USP22: variants seen among roughly 807,000 people sequenced by gnomAD.
USP22 encodes the protein ubiquitin carboxyl-terminal hydrolase 22.
Under a neutral mutation model 68.1 loss-of-function variants are expected in USP22, and 22 were observed. The ratio of observed to expected loss-of-function variants is 0.32; its 90% CI spans 0.23 to 0.46. The LOEUF (loss-of-function observed/expected upper bound fraction) is 0.46. USP22 is among the 20% of genes least tolerant of loss of function. The pLI, the probability that USP22 is intolerant of heterozygous loss-of-function variation, is 1.00. For synonymous variants in USP22, 279 were observed against 274.2 expected (o/e 1.02, Z -0.17); for missense variants, 433 against 695.8 (o/e 0.62, Z 4.25).
At chr17:21,024,474 C>A (rs940414203) in intron 2 of USP22, among the ~76,000 whole-genome samples, 1 of 152,174 alleles carries the variant, frequency 6.6e-6, no homozygotes, top group African/African-American at 2.4e-5. Flanking sequence ...GTAACAAATG[C>A]TGCTGGGACA....
chr17:21,016,834 G>A (rs1247167264), intron 5 of USP22, among the ~76,000 whole-genome samples: 1 of 152,170 alleles, frequency 6.6e-6, no homozygotes, highest in South Asian at 2.1e-4. Flanking sequence ...TTCATCTTGA[G>A]TAGCAGCAGT....
Position 21,008,436 on chromosome 17 carries a change from AAAGG to A in USP22, c.1104-444_1104-441del, listed in dbSNP as rs199931538. ...CCATGGAGTATGAGACAGCAGCAAA[AAAGG>A]AAGGAACTACTGATCCCAAGCTGTA... On this transcript the variant is annotated intron_variant, in intron 8 of 12. Coordinates refer to ENST00000261497, the MANE Select transcript of USP22 (RefSeq NM_015276.2). Among the ~76,000 whole-genome samples, 1,306 of 152,298 alleles carry A rather than the reference AAAGG, an allele frequency of 8.6e-3. 24 individuals are homozygous for A. Among genetic ancestry groups the A allele is most frequent in the African/African-American group, 0.029 (1,206 of 41,546 alleles).
chr17:21,015,643 A>C, intron 6 of USP22, 109 bp downstream of exon 6: 1 of 1,380,962 alleles, frequency 7.2e-7, no homozygotes, highest in Admixed American at 2.8e-5. Flanking sequence ...AAAACAATGG[A>C]ATGTGTCACC....
intron 9 of USP22, among the ~76,000 whole-genome samples, chr17:21,007,281 C>T (rs1438750998): frequency 1.3e-5 from 2 of 152,114 alleles, no homozygotes; most frequent in East Asian, 1.9e-4. Flanking sequence ...AACAAAGATC[C>T]GTGGCCCATG....
At chr17:21,009,339 C>G (rs1259064150) in intron 8 of USP22, among the ~76,000 whole-genome samples, 1 of 152,188 alleles carries the variant, frequency 6.6e-6, no homozygotes, top group Middle Eastern at 3.2e-3. Context: ...TCTGGAAATT[C>G]TGCCATCTTA....
At chr17:21,013,358 T>G (rs1200678437) in intron 6 of USP22, among the ~76,000 whole-genome samples, 1 of 152,148 alleles carries the variant, frequency 6.6e-6, no homozygotes, top group Non-Finnish European at 1.5e-5. Context: ...GTGCCCCAAG[T>G]TCAGAAAGTG....
rs573875812 is a variant in USP22, at chr17:21,002,143, C to G, written c.*888G>C. On this transcript the variant is annotated 3_prime_UTR_variant, in exon 13 of 13. Coordinates refer to ENST00000261497, the MANE Select transcript of USP22 (RefSeq NM_015276.2). ...TGAGATGACAGACACACCGTATGAG[C>G]TGCAGCACAACTCTCCTCCGCTGCG... 1 of 152,506 alleles carries G rather than the reference C, an allele frequency of 6.6e-6. No homozygotes were observed. Among genetic ancestry groups the G allele is most frequent in the Admixed American group, 6.5e-5 (1 of 15,308 alleles). 9.4% of individuals were successfully genotyped at this position (152,506 alleles called of 1,614,324 possible).
At chr17:21,021,289 G>C in intron 2 of USP22, 63 bp from the exon 3 acceptor site, 2 of 1,159,818 alleles carry the variant, frequency 1.7e-6, no homozygotes, top group Non-Finnish European at 2.6e-6. Flanking sequence ...GAAGGCTGGA[G>C]GGCAGAGTTA....
chr17:21,001,570 C>T lies in USP22; in HGVS notation c.*1461G>A, dbSNP rs766334723. 2 of 152,320 alleles carry T rather than the reference C, an allele frequency of 1.3e-5. No homozygotes were observed. The highest frequency in any genetic ancestry group is 3.9e-4 in the East Asian group (2 of 5,186). The allele number at this position is 152,320 out of a possible 1,614,324, so 9.4% of individuals were successfully genotyped here. ...TGTACTATTTATGGCAGAGACCATA[C>T]AGCCCACAGAGCCAACAGTGTTTAC... On this transcript the variant is annotated 3_prime_UTR_variant, in exon 13 of 13. Transcript: ENST00000261497.
chr17:21,018,050 C>T lies in USP22; in HGVS notation c.582G>A (p.Leu194=). ...TCFMNCIVQA[L]THTPLLRDFF... The stretch of plus-strand genomic sequence containing the variant: ...AGTCCCGCAGAAGTGGCGTGTGGGT[C>T]AGGGCCTGCACGATGCAGTTCATGA... Residue 194 remains leucine, a synonymous_variant, in exon 5 of 13, where the codon CTG becomes CTA. Coordinates refer to ENST00000261497, the MANE Select transcript of USP22 (RefSeq NM_015276.2). 6.2e-7 allele frequency: 1 copy of T among 1,613,892 alleles called. No homozygotes were observed. The highest frequency in any genetic ancestry group is 8.5e-7 in the Non-Finnish European group (1 of 1,179,956).
intron 2 of USP22, among the ~76,000 whole-genome samples, chr17:21,024,268 C>T (rs559010130): frequency 4.6e-5 from 7 of 152,222 alleles, no homozygotes; most frequent in South Asian, 2.1e-4. Context: ...CAAGATATCC[C>T]GTGAAAAACA....
At chr17:21,041,159 A>G (rs1972425070) in intron 1 of USP22, among the ~76,000 whole-genome samples, 1 of 151,950 alleles carries the variant, frequency 6.6e-6, no homozygotes, top group Non-Finnish European at 1.5e-5. Context: ...CTGGGATTAC[A>G]GGCGTCAGCC....
rs566967023 is a variant in USP22 at position 21,019,076 on chromosome 17, C to G, written c.520+8G>C. On this transcript the variant is annotated splice_region_variant and intron_variant, in intron 4 of 12. Coordinates refer to ENST00000261497, the MANE Select transcript of USP22 (RefSeq NM_015276.2). ...GCCTAGCTGAGAGTGACGACACGCT[C>G]CACCCACCTATGGTGCAGTTCGAGG... 6.8e-6 allele frequency: 11 copies of G among 1,613,818 alleles called. No individual in the cohort carries two copies. In the African/African-American group the frequency reaches 1.3e-4, roughly 20 times the overall value.
In USP22 at chr17:21,042,753, C is replaced by T; in HGVS notation, c.83G>A (p.Ser28Asn). ...VAPPGCSHLGSFKVDNWKQNL... is the reference protein window; with the variant it reads ...VAPPGCSHLGNFKVDNWKQNL... The stretch of plus-strand genomic sequence containing the variant: ...CTGCTTCCAGTTGTCCACCTTGAAG[C>T]TGCCCAGGTGCGAGCAGCCCGGCGG... The change falls in exon 1 of 13, where the codon AGC becomes AAC. Residue 28 changes from serine to asparagine, a missense_variant. Physicochemically the swap from Ser to Asn is conservative, Grantham distance 46. Around this residue, in one of 4 missense-constraint regions of USP22, gnomAD observed 110 missense variants for 89.9 expected, o/e 1.22. Transcript: ENST00000261497. 4.0e-6 allele frequency: 6 copies of T among 1,497,770 alleles called. No homozygotes were observed. The highest frequency in any genetic ancestry group is 5.3e-6 in the Non-Finnish European group (6 of 1,124,948). 92.8% of individuals were successfully genotyped at this position (1,497,770 alleles called of 1,614,324 possible).
chr17:21,006,313 G>C (rs149128097), intron 10 of USP22, among the ~76,000 whole-genome samples: 1 of 152,146 alleles, frequency 6.6e-6, no homozygotes, highest in African/African-American at 2.4e-5. Flanking sequence ...TCTGTTCCAC[G>C]AACTAAAATG....
At position 21,043,004 on chromosome 17, in the gene USP22, G is replaced by A. The variant is rs919316565; in HGVS notation, c.-169C>T. ...GGGGCTGCGCGATCGCCGAGGGGAG[G>A]CTGCAAGGCAGGCACCGCCCCCGAG... On this transcript the variant is annotated 5_prime_UTR_variant, in exon 1 of 13. Coordinates refer to ENST00000261497, the MANE Select transcript of USP22 (RefSeq NM_015276.2). 46 of 343,014 alleles carry A rather than the reference G, an allele frequency of 1.3e-4. No individual in the cohort carries two copies. Among genetic ancestry groups the A allele is most frequent in the Non-Finnish European group, 1.8e-4 (36 of 197,772 alleles). The allele number at this position is 343,014 out of a possible 1,614,324, so 21.2% of individuals were successfully genotyped here.
intron 6 of USP22, among the ~76,000 whole-genome samples, chr17:21,014,497 G>A (rs552242833): frequency 2.5e-4 from 38 of 152,244 alleles, no homozygotes; most frequent in African/African-American, 7.5e-4. Flanking sequence ...AGAATTAAAA[G>A]GATCACGTAG....
At chr17:21,020,271 GA>G (rs1159354614) in intron 3 of USP22, among the ~76,000 whole-genome samples, 2 of 97,510 alleles carry the variant, frequency 2.1e-5, no homozygotes, top group South Asian at 3.5e-4. Context: ...AAAAAAAAAG[GA>G]AAAAAAACTC....
Position 21,032,922 on chromosome 17 carries a change from C to CAAA in USP22, c.172-4251_172-4249dup, listed in dbSNP as rs753804890. 2.9e-3 allele frequency among the ~76,000 whole-genome samples: 267 copies of CAAA among 91,540 alleles called. 22 individuals carry two copies. The highest frequency in any genetic ancestry group is 0.013 in the African/African-American group (219 of 17,352). The allele number at this position is 91,540 out of a possible 152,430, so 60.1% of individuals were successfully genotyped here. ...TGAGCAACAGAACCAGACCCTGTCT[C>CAAA]AAAAAAAAAAAAAAAAAAAAAAAAA... On this transcript the variant is annotated intron_variant, in intron 1 of 12. Transcript: ENST00000261497.
Sources: allele counts gnomAD v4.1 joint callset (sites outside exome capture counted in the v4.1 genomes callset), GRCh38; gene constraint gnomAD v4.1.1; regional missense constraint gnomAD v4.1.1; transcripts MANE v1.5; gene names NCBI Gene and HGNC (gene_info 2026-07-23, HGNC 2026-07-21).